Variants in MAPRE2 observed in about 807,000 individuals in gnomAD.
MAPRE2 encodes microtubule associated protein RP/EB family member 2.
In MAPRE2, 13 loss-of-function variants were observed where a neutral mutation model predicts 43.2. That is an observed-to-expected ratio of 0.30 (90% CI 0.20 to 0.48). The LOEUF is 0.48. Ranked by LOEUF, MAPRE2 falls within the 20% of genes least tolerant of loss-of-function variation. MAPRE2 has a pLI of 0.99. For missense variants in MAPRE2, 161 were observed against 400.2 expected (o/e 0.40, Z 5.10); for synonymous variants, 135 against 148.8 (o/e 0.91, Z 0.68).
At chr18:35,021,068 C>T (rs138189854) in intron 2 of MAPRE2, among the ~76,000 whole-genome samples, 83 of 152,148 alleles carry the variant, frequency 5.5e-4, no homozygotes, top group African/African-American at 1.9e-3. Flanking sequence ...ACATTCCAGG[C>T]GAGAAATGAA....
At position 35,126,984 on chromosome 18, in the gene MAPRE2, C is replaced by A; in HGVS notation, c.647C>A (p.Ser216Tyr). Residue 216 changes from serine (S) to tyrosine (Y), a missense_variant, in exon 5 of 7, where the codon TCC (serine) becomes TAC (tyrosine). By Grantham distance (144) the Ser-to-Tyr change is moderately radical (BLOSUM62 -2). Coordinates refer to ENST00000300249, the MANE Select transcript of MAPRE2 (RefSeq NM_014268.4). ...AKSSPAAKPG[S>Y]TPSRPSSAKR... ...TCAAGTCCAGCAGCTAAACCAGGATCCACACCTTCTCGACCCTCATCAGCC... is the reference window on the plus strand; with the variant it reads ...TCAAGTCCAGCAGCTAAACCAGGATACACACCTTCTCGACCCTCATCAGCC... 1 of 1,614,166 alleles carries A rather than the reference C, an allele frequency of 6.2e-7. No individual in the cohort carries two copies. The highest frequency in any genetic ancestry group is 8.5e-7 in the Non-Finnish European group (1 of 1,180,004).
intron 3 of MAPRE2, 139 bp downstream of exon 3, chr18:35,097,730 AG>A: frequency 1.5e-6 from 1 of 659,572 alleles, no homozygotes; most frequent in Non-Finnish European, 2.5e-6. Context: ...CCTAGCATAA[AG>A]CATCACCCTA....
intron 4 of MAPRE2, among the ~76,000 whole-genome samples, chr18:35,106,025 C>A (rs577699371): frequency 6.6e-6 from 1 of 152,070 alleles, no homozygotes; most frequent in Non-Finnish European, 1.5e-5. Context: ...CACTCAAAGC[C>A]GTTCTCTTTA....
chr18:35,028,925 A>G (rs1468527927), intron 2 of MAPRE2, among the ~76,000 whole-genome samples: 2 of 152,212 alleles, frequency 1.3e-5, no homozygotes, highest in African/African-American at 4.8e-5. Flanking sequence ...TGTCTCACAT[A>G]TTAAGACTAA....
chr18:35,124,391 T>C (rs963750146), intron 4 of MAPRE2, among the ~76,000 whole-genome samples: 20 of 152,122 alleles, frequency 1.3e-4, no homozygotes, highest in African/African-American at 4.8e-4. Context: ...ATGTGGGGAT[T>C]ATGGGAACTA....
intron 1 of MAPRE2, among the ~76,000 whole-genome samples, chr18:35,048,111 GC>G (rs1905729286): frequency 6.6e-6 from 1 of 152,184 alleles, no homozygotes; most frequent in African/African-American, 2.4e-5. Context: ...TTCTGGGGAG[GC>G]CTCAGGGAGC....
intron 1 of MAPRE2, among the ~76,000 whole-genome samples, chr18:35,067,628 A>G (rs905712862): frequency 3.7e-4 from 57 of 152,250 alleles, no homozygotes; most frequent in African/African-American, 1.3e-3. Context: ...GCCATCTAGC[A>G]TAACCCTGGG....
At chr18:35,009,949 T>C (rs1256652680) in intron 2 of MAPRE2, among the ~76,000 whole-genome samples, 3 of 152,212 alleles carry the variant, frequency 2.0e-5, no homozygotes, top group Non-Finnish European at 4.4e-5. Flanking sequence ...GTCACTGCTT[T>C]AATTAGCCCT....
At chr18:34,999,858 A>G (rs2097028431) in intron 1 of MAPRE2, among the ~76,000 whole-genome samples, 1 of 152,108 alleles carries the variant, frequency 6.6e-6, no homozygotes, top group African/African-American at 2.4e-5. Context: ...GCCCTGGGGA[A>G]GTTGCACAGG....
chr18:35,079,811 C>T (rs1907546760), intron 2 of MAPRE2, among the ~76,000 whole-genome samples: 1 of 152,146 alleles, frequency 6.6e-6, no homozygotes, highest in Non-Finnish European at 1.5e-5. Flanking sequence ...TTTGACTAAG[C>T]TTTTAAGAAT....
rs575347953 is a variant in MAPRE2, at chr18:35,064,000, T to TAAAAAAAAAAAAAAAA, written c.123-6177_123-6162dup. On this transcript the variant is annotated intron_variant, in intron 1 of 6. Transcript: ENST00000300249. The stretch of plus-strand genomic sequence containing the variant: ...ACTGCCGAGTGAGACCCTGTCTCTT[T>TAAAAAAAAAAAAAAAA]AAAAAAAAAAAAAAAAAAAAAAAAA... Among the ~76,000 whole-genome samples the TAAAAAAAAAAAAAAAA allele has an allele frequency of 1.2e-3, 42 of 33,958 alleles. 3 individuals carry two copies. The highest frequency in any genetic ancestry group is 1.8e-3 in the Non-Finnish European group (36 of 19,558). 22.3% of individuals were successfully genotyped at this position (33,958 alleles called of 152,430 possible).
intron 6 of MAPRE2, among the ~76,000 whole-genome samples, chr18:35,139,448 G>T (rs1221631625): frequency 6.6e-6 from 1 of 152,206 alleles, no homozygotes; most frequent in Non-Finnish European, 1.5e-5. Context: ...TGAGGCTAGT[G>T]CTCCCTGGAG....
At chr18:35,053,706 A>G (rs934543257) in intron 1 of MAPRE2, among the ~76,000 whole-genome samples, 1 of 152,210 alleles carries the variant, frequency 6.6e-6, no homozygotes, top group Non-Finnish European at 1.5e-5. Context: ...CAAGGATACC[A>G]TATGTTCTCA....
At chr18:34,993,992 C>CTTTTTTTTTTTTTTTT (rs11301716) in intron 1 of MAPRE2, among the ~76,000 whole-genome samples, 1 of 120,034 alleles carries the variant, frequency 8.3e-6, no homozygotes, top group Non-Finnish European at 1.8e-5. Context: ...CATGGATTTT[C>CTTTTTTTTTTTTTTTT]TTTTTTTTTT....
intron 1 of MAPRE2, among the ~76,000 whole-genome samples, chr18:35,047,860 G>T (rs1905713700): frequency 6.6e-6 from 1 of 152,110 alleles, no homozygotes; most frequent in African/African-American, 2.4e-5. Flanking sequence ...TACATGAAAT[G>T]ATCAAGTTGA....
intron 2 of MAPRE2, among the ~76,000 whole-genome samples, chr18:35,015,757 A>G (rs758888254): frequency 6.6e-6 from 1 of 151,854 alleles, no homozygotes; most frequent in Non-Finnish European, 1.5e-5. Context: ...AATTCAGAAC[A>G]AACCCCAATA....
intron 2 of MAPRE2, among the ~76,000 whole-genome samples, chr18:35,008,891 A>T (rs996068108): frequency 1.3e-5 from 2 of 152,242 alleles, no homozygotes; most frequent in Admixed American, 6.5e-5. Flanking sequence ...CATTTAATTT[A>T]TTCAATAGTA....
intron 2 of MAPRE2, among the ~76,000 whole-genome samples, chr18:35,073,153 T>G (rs535712524): frequency 3.2e-4 from 48 of 152,302 alleles, no homozygotes; most frequent in African/African-American, 1.1e-3. Flanking sequence ...TGCTGCAGCC[T>G]AGAGCTTGCA....
At chr18:34,999,738 A>T (rs996964137) in intron 1 of MAPRE2, among the ~76,000 whole-genome samples, 3 of 152,200 alleles carry the variant, frequency 2.0e-5, no homozygotes, top group Non-Finnish European at 4.4e-5. Flanking sequence ...GAGTTGTACC[A>T]GACTTAACCC....
Sources: allele counts gnomAD v4.1 joint callset (sites outside exome capture counted in the v4.1 genomes callset), GRCh38; gene constraint gnomAD v4.1.1; transcripts MANE v1.5; gene names NCBI Gene and HGNC (gene_info 2026-07-23, HGNC 2026-07-21).